The following TPRG1 variants were observed in gnomAD, a reference collection of about 807,000 sequenced individuals.
TPRG1 encodes the protein tumor protein p63-regulated gene 1 protein.
TPRG1 carries 29 observed loss-of-function variants against 29.3 expected under a neutral mutation model. The ratio of observed to expected loss-of-function variants is 0.99; its 90% CI spans 0.74 to 1.35. TPRG1 has a LOEUF of 1.35. Ranked by LOEUF, TPRG1 falls within the 40% of genes most tolerant of loss-of-function variation. TPRG1 has a pLI of 0.00. For synonymous variants in TPRG1, 130 were observed against 116.8 expected, an observed-to-expected ratio of 1.11 and a Z score of -0.73; for missense variants, 327 against 335.0, an observed-to-expected ratio of 0.98 and a Z score of 0.19.
intron 1 of TPRG1, among the ~76,000 whole-genome samples, chr3:189,186,535 C>A (rs1444685333): frequency 6.6e-6 from 1 of 152,096 alleles, no homozygotes; most frequent in Non-Finnish European, 1.5e-5. Flanking sequence ...GAACTAGCAC[C>A]TTTTGACTTA....
At chr3:189,039,117 G>A (rs2152133538) in intron 4 of TPRG1, among the ~76,000 whole-genome samples, 1 of 152,262 alleles carries the variant, frequency 6.6e-6, no homozygotes, top group African/African-American at 2.4e-5. Flanking sequence ...ACCTATGCAG[G>A]GTCACATGTG....
At chr3:189,230,781 A>T (rs1266843599) in intron 3 of TPRG1, among the ~76,000 whole-genome samples, 1 of 152,092 alleles carries the variant, frequency 6.6e-6, no homozygotes, top group African/African-American at 2.4e-5. Flanking sequence ...TATTTATTGG[A>T]TCAGTAGGGG....
intron 2 of TPRG1, among the ~76,000 whole-genome samples, chr3:189,209,572 C>T (rs1179164678): frequency 6.6e-6 from 1 of 152,038 alleles, no homozygotes; most frequent in East Asian, 1.9e-4. Context: ...GCTTAACATC[C>T]GTGTTTTAAA....
chr3:189,052,604 GA>G (rs1715397173), intron 4 of TPRG1, among the ~76,000 whole-genome samples: 1 of 152,154 alleles, frequency 6.6e-6, no homozygotes. Context: ...TCTACCAGAG[GA>G]AAAGAAGTCA....
intron 2 of TPRG1, among the ~76,000 whole-genome samples, chr3:189,128,593 A>G (rs1014503470): frequency 1.3e-5 from 2 of 152,136 alleles, no homozygotes; most frequent in Non-Finnish European, 2.9e-5. Flanking sequence ...AGGGTTTATA[A>G]TTTTCGAAGT....
chr3:189,159,923 G>A (rs932876166), intron 5 of TPRG1, among the ~76,000 whole-genome samples: 7 of 151,636 alleles, frequency 4.6e-5, no homozygotes, highest in South Asian at 2.1e-4. Flanking sequence ...CAGTTTTCAC[G>A]AGCATTTCAA....
Position 189,322,548 on chromosome 3 carries a change from G to C in TPRG1, c.*1728G>C, listed in dbSNP as rs1724410760. On this transcript the variant is annotated 3_prime_UTR_variant, in exon 6 of 6. Transcript: ENST00000345063. ...TAGTGGAATGAAAAGTCGTTGGATT[G>C]TTTTGGCACTGGTTCTGAAGCAGGC... 1 of 152,476 alleles carries C rather than the reference G, an allele frequency of 6.6e-6. No individual in the cohort carries two copies. The highest frequency in any genetic ancestry group is 6.6e-5 in the Admixed American group (1 of 15,238). 9.4% of individuals were successfully genotyped at this position (152,476 alleles called of 1,614,324 possible). A position where few individuals can be genotyped will look rare whatever the true frequency, so the allele number is the denominator to read the frequency against.
At chr3:189,263,765 A>C (rs949332816) in intron 4 of TPRG1, among the ~76,000 whole-genome samples, 4 of 152,212 alleles carry the variant, frequency 2.6e-5, no homozygotes, top group African/African-American at 9.6e-5. Context: ...TTTATCAGTG[A>C]TGCTGGAAAG....
intron 3 of TPRG1, among the ~76,000 whole-genome samples, chr3:189,219,162 T>C (rs1261952289): frequency 6.6e-6 from 1 of 152,340 alleles, no homozygotes; most frequent in African/African-American, 2.4e-5. Flanking sequence ...GTTAAGTTGG[T>C]AAAGCCATTT....
chr3:189,268,385 A>G (rs910717980), intron 4 of TPRG1, among the ~76,000 whole-genome samples: 7 of 152,140 alleles, frequency 4.6e-5, no homozygotes, highest in Non-Finnish European at 1.0e-4. Flanking sequence ...CAATCCTGTT[A>G]TTTTTGAGTA....
chr3:189,105,089 G>A (rs982308138), intron 1 of TPRG1, among the ~76,000 whole-genome samples: 39 of 152,004 alleles, frequency 2.6e-4, no homozygotes, highest in African/African-American at 9.4e-4. Context: ...TGTAGAAACC[G>A]TTTATAGTTT....
At chr3:189,158,136 G>A (rs765105736) in intron 5 of TPRG1, among the ~76,000 whole-genome samples, 3 of 152,020 alleles carry the variant, frequency 2.0e-5, no homozygotes, top group Non-Finnish European at 4.4e-5. Context: ...ACCATTGGAG[G>A]GTCCCTTAAA....
At chr3:189,163,938 T>G (rs141355030) in intron 5 of TPRG1, among the ~76,000 whole-genome samples, 2 of 142,998 alleles carry the variant, frequency 1.4e-5, no homozygotes, top group Non-Finnish European at 3.0e-5. Flanking sequence ...GCTAATAGTC[T>G]TTGGTTCTCA....
At position 189,165,831 on chromosome 3, in the gene TPRG1, C is replaced by T. The variant is rs114700612; in HGVS notation, c.-10+14959C>T. Among the ~76,000 whole-genome samples, 1,093 of 152,234 alleles carry T rather than the reference C, an allele frequency of 7.2e-3. 7 individuals carry two copies. Among genetic ancestry groups the T allele is most frequent in the Non-Finnish European group, 0.01 (688 of 68,020 alleles). ...CTGCCAAGAGGTGGAAACTGCTCAC[C>T]GTGTGATTCAGGTGGCCATTGAGTG... On this transcript the variant is annotated intron_variant, in intron 5 of 6. Transcript: ENST00000412373.
At chr3:189,130,781 G>C (rs1452932242) in intron 2 of TPRG1, among the ~76,000 whole-genome samples, 1 of 152,158 alleles carries the variant, frequency 6.6e-6, no homozygotes, top group Non-Finnish European at 1.5e-5. Flanking sequence ...AAATCCAACA[G>C]TAGAGCTATA....
intron 4 of TPRG1, among the ~76,000 whole-genome samples, chr3:189,261,578 G>A (rs1054075694): frequency 6.6e-6 from 1 of 152,138 alleles, no homozygotes; most frequent in Non-Finnish European, 1.5e-5. Context: ...CATTGTGTAC[G>A]ACAGAGTGGC....
At chr3:189,242,915 T>G (rs1740844487) in intron 4 of TPRG1, among the ~76,000 whole-genome samples, 1 of 152,134 alleles carries the variant, frequency 6.6e-6, no homozygotes, top group Admixed American at 6.6e-5. Flanking sequence ...TTTAAAGGAA[T>G]TTGTTGTTTA....
intron 1 of TPRG1, among the ~76,000 whole-genome samples, chr3:189,202,981 A>G (rs1405579255): frequency 6.6e-6 from 1 of 152,180 alleles, no homozygotes; most frequent in Non-Finnish European, 1.5e-5. Context: ...GAGTCCAGAA[A>G]ACTAGAGGTC....
At chr3:189,248,643 T>C (rs1446949578) in intron 4 of TPRG1, among the ~76,000 whole-genome samples, 2 of 151,398 alleles carry the variant, frequency 1.3e-5, no homozygotes, top group East Asian at 3.9e-4. Context: ...TTTATTATTA[T>C]ATTTCATATA....
Sources: gnomAD v4.1 joint callset for allele counts (sites outside exome capture counted in the v4.1 genomes callset) on GRCh38, gnomAD v4.1.1 for gene constraint, MANE v1.5 for transcripts, NCBI Gene and HGNC (gene_info 2026-07-23, HGNC 2026-07-21) for gene names.